Variants in SEMA3E observed in about 807,000 individuals in gnomAD.
SEMA3E encodes semaphorin 3E, also known as semaphorin-3E.
SEMA3E carries 49 observed loss-of-function variants against 93.6 expected under a neutral mutation model. That is an observed-to-expected ratio of 0.52 (90% CI 0.42 to 0.66). The LOEUF (loss-of-function observed/expected upper bound fraction) is 0.66. Among genes scored for constraint, SEMA3E ranks in the 30% least tolerant of loss-of-function variants. The probability of loss-of-function intolerance (pLI) is 0.00; values close to 1 mark genes in which losing one functional copy is unlikely to be tolerated. For synonymous variants in SEMA3E, 363 were observed against 330.7 expected, an observed-to-expected ratio of 1.10 and a Z score of -1.06; for missense variants, 906 against 964.8, an observed-to-expected ratio of 0.94 and a Z score of 0.81.
chr7:83,530,827 A>G (rs12154867), intron 1 of SEMA3E, among the ~76,000 whole-genome samples: 79,860 of 151,702 alleles, frequency 0.53, 23,345 homozygotes, highest in Middle Eastern at 0.69. Context: ...GCAGTGAGCC[A>G]AGATTGCGCC....
At chr7:83,544,864 T>G (rs988486592) in intron 1 of SEMA3E, among the ~76,000 whole-genome samples, 7 of 152,026 alleles carry the variant, frequency 4.6e-5, no homozygotes, top group African/African-American at 1.7e-4. Flanking sequence ...GTCATGTGTA[T>G]TTAAAGCCAT....
chr7:83,513,252 A>G (rs1367039868), intron 1 of SEMA3E, among the ~76,000 whole-genome samples: 3 of 152,130 alleles, frequency 2.0e-5, no homozygotes, highest in Non-Finnish European at 2.9e-5. Context: ...TTTGGCTCAA[A>G]ATCAAGGCTG....
intron 14 of SEMA3E, among the ~76,000 whole-genome samples, chr7:83,387,941 G>T (rs868516993): frequency 7.1e-6 from 1 of 141,682 alleles, no homozygotes; most frequent in African/African-American, 2.6e-5. Flanking sequence ...CATATGTTTC[G>T]AATATATAAA....
chr7:83,547,050 CT>C (rs1322377782), intron 1 of SEMA3E, among the ~76,000 whole-genome samples: 2 of 152,104 alleles, frequency 1.3e-5, no homozygotes, highest in African/African-American at 4.8e-5. Context: ...AATAAGCTGT[CT>C]TTCCTAAAAT....
rs1322673758 is a variant in SEMA3E, at chr7:83,469,404, T to TTC, written c.277-103_277-102insGA. ...CTACAGTTCAAAACATTTCCTTTTT[T>TTC]TTTTTTTTCTGTTTTCTGATAAGAT... is the stretch of plus-strand genomic sequence containing the variant. On this transcript the variant is annotated intron_variant, in intron 2 of 16. Transcript: ENST00000643230. The TTC allele has an allele frequency of 2.8e-5, 21 of 756,844 alleles. No homozygotes were observed. In the East Asian group the frequency reaches 4.7e-4, roughly 17 times the overall value. 46.9% of individuals were successfully genotyped at this position (756,844 alleles called of 1,614,324 possible).
intron 1 of SEMA3E, among the ~76,000 whole-genome samples, chr7:83,537,528 G>A (rs971139232): frequency 2.0e-5 from 3 of 152,094 alleles, no homozygotes; most frequent in African/African-American, 7.2e-5. Flanking sequence ...ATTCTATAAT[G>A]CACTGTATAG....
At chr7:83,402,516 C>A in intron 10 of SEMA3E, 116 bp downstream of exon 10, 3 of 897,122 alleles carry the variant, frequency 3.3e-6, no homozygotes, top group Non-Finnish European at 5.3e-6. Flanking sequence ...ACCAAGCATA[C>A]TTTTAGGTAT....
intron 5 of SEMA3E, among the ~76,000 whole-genome samples, chr7:83,415,098 C>T (rs922227047): frequency 1.6e-4 from 24 of 152,220 alleles, no homozygotes; most frequent in Middle Eastern, 3.4e-3. Context: ...TATTTGGCCA[C>T]TTACCAAACT....
chr7:83,623,133 T>A (rs1793600188), intron 1 of SEMA3E, among the ~76,000 whole-genome samples: 1 of 152,306 alleles, frequency 6.6e-6, no homozygotes, highest in Non-Finnish European at 1.5e-5. Flanking sequence ...TCTTCTCATT[T>A]GCCAGGCAAT....
At chr7:83,433,597 C>T (rs913319549) in intron 4 of SEMA3E, among the ~76,000 whole-genome samples, 3 of 152,026 alleles carry the variant, frequency 2.0e-5, no homozygotes, top group African/African-American at 7.2e-5. Flanking sequence ...AATATCTATT[C>T]CATAAAAATA....
chr7:83,584,452 A>G (rs1792578401), intron 1 of SEMA3E, among the ~76,000 whole-genome samples: 1 of 152,174 alleles, frequency 6.6e-6, no homozygotes, highest in Non-Finnish European at 1.5e-5. Flanking sequence ...TAGGACTCGA[A>G]CACTAATTTC....
chr7:83,645,917 A>G (rs969993867), intron 1 of SEMA3E, among the ~76,000 whole-genome samples: 1 of 152,028 alleles, frequency 6.6e-6, no homozygotes, highest in African/African-American at 2.4e-5. Flanking sequence ...CGCTCTGTAT[A>G]TGATAAACTT....
At chr7:83,386,139 C>T (rs1370007778) in intron 15 of SEMA3E, among the ~76,000 whole-genome samples, 1 of 152,060 alleles carries the variant, frequency 6.6e-6, no homozygotes, top group East Asian at 1.9e-4. Context: ...TCCTACTCAC[C>T]TTCAGAACTG....
At chr7:83,604,879 G>A (rs1392900435) in intron 1 of SEMA3E, among the ~76,000 whole-genome samples, 1 of 152,070 alleles carries the variant, frequency 6.6e-6, no homozygotes, top group South Asian at 2.1e-4. Context: ...GTGAGAACAC[G>A]TGGTGTTTGG....
chr7:83,408,450 C>G lies in SEMA3E; in HGVS notation c.588G>C (p.Trp196Cys), dbSNP rs770789964. ...TGCGGAAGATCGCAGCGTCTCTGCT[C>G]CAGTAGTCACTGTAGAGTCCAGCAA... Reference protein sequence around the residue: ...ELFAGLYSDYWSRDAAIFRSM... With the variant: ...ELFAGLYSDYCSRDAAIFRSM... The change falls in exon 6 of 17, where the codon TGG (tryptophan) becomes TGC (cysteine). Residue 196 changes from tryptophan to cysteine, a missense_variant. Trp to Cys is a radical substitution (Grantham distance 215, BLOSUM62 -2). Transcript: ENST00000643230. The G allele has an allele frequency of 1.5e-5, 25 of 1,613,672 alleles. No homozygotes were observed. Among genetic ancestry groups the G allele is most frequent in the Non-Finnish European group, 2.0e-5 (24 of 1,179,780 alleles).
intron 1 of SEMA3E, among the ~76,000 whole-genome samples, chr7:83,614,064 T>C (rs75357066): frequency 1.3e-5 from 2 of 152,126 alleles, no homozygotes; most frequent in Non-Finnish European, 2.9e-5. Context: ...TCAGTCTTTC[T>C]TGATGTTACT....
chr7:83,544,449 C>G (rs114120365), intron 1 of SEMA3E, among the ~76,000 whole-genome samples: 1,757 of 152,168 alleles, frequency 0.012, 26 homozygotes, highest in African/African-American at 0.04. Flanking sequence ...AGAGATCCAA[C>G]TGGGGAGGCA....
chr7:83,587,195 T>C (rs1792647623), intron 1 of SEMA3E, among the ~76,000 whole-genome samples: 1 of 152,184 alleles, frequency 6.6e-6, no homozygotes, highest in Non-Finnish European at 1.5e-5. Context: ...AAGATTTATA[T>C]ATATATGTTC....
At chr7:83,604,351 A>G (rs1793058559) in intron 1 of SEMA3E, among the ~76,000 whole-genome samples, 1 of 151,892 alleles carries the variant, frequency 6.6e-6, no homozygotes, top group Non-Finnish European at 1.5e-5. Flanking sequence ...TTGAATGTTA[A>G]AAGTCTCTGA....
Sources: allele counts gnomAD v4.1 joint callset (sites outside exome capture counted in the v4.1 genomes callset), GRCh38; gene constraint gnomAD v4.1.1; transcripts MANE v1.5; gene names NCBI Gene and HGNC (gene_info 2026-07-23, HGNC 2026-07-21).